The following TRIM36 variants were observed in gnomAD, a reference collection of about 807,000 sequenced individuals.
The protein encoded by TRIM36 is tripartite motif containing 36, also known as E3 ubiquitin-protein ligase TRIM36.
TRIM36 carries 42 observed loss-of-function variants against 72.4 expected under a neutral mutation model. That is an observed-to-expected ratio of 0.58 (90% CI 0.45 to 0.75). TRIM36 has a LOEUF of 0.75. Ranked by LOEUF, TRIM36 falls within the 30% of genes least tolerant of loss-of-function variation. The pLI, the probability that TRIM36 is intolerant of heterozygous loss-of-function variation, is 0.00. For missense variants in TRIM36, 913 were observed against 857.1 expected (o/e 1.07, Z -0.81); for synonymous variants, 315 against 282.8 (o/e 1.11, Z -1.14).
intron 1 of TRIM36, among the ~76,000 whole-genome samples, chr5:115,166,891 G>A (rs970292855): frequency 3.9e-5 from 6 of 152,060 alleles, no homozygotes; most frequent in African/African-American, 7.2e-5. Context: ...AGGAGCCGGC[G>A]CCCATACTGG....
intron 7 of TRIM36, among the ~76,000 whole-genome samples, chr5:115,134,524 AAG>A (rs1752861929): frequency 6.8e-6 from 1 of 146,772 alleles, no homozygotes; most frequent in Admixed American, 7.0e-5. Flanking sequence ...TAAGTCTGGT[AAG>A]AATATCAAAC....
In TRIM36 at chr5:115,133,906, A is replaced by G. The variant is rs752698627; in HGVS notation, c.1452T>C (p.Cys484=). 1 of 1,612,176 alleles carries G rather than the reference A, an allele frequency of 6.2e-7. No individual in the cohort carries two copies. Residue 484 remains cysteine (C), a synonymous_variant, in exon 8 of 10, where the codon TGT becomes TGC. Coordinates refer to ENST00000513154, the MANE Select transcript of TRIM36 (RefSeq NM_001300759.2). ...FRVRAYKGSI[C]SPCSRELILH... Reference sequence around the variant, plus strand: ...GAATCAATTCTCTGCTGCAAGGACTACAGATTGAACCCTTGTAAGCTCTTA... The same window carrying G: ...GAATCAATTCTCTGCTGCAAGGACTGCAGATTGAACCCTTGTAAGCTCTTA...
rs975605748 is a variant in TRIM36, at chr5:115,133,710, C to T, written c.1498+150G>A. On this transcript the variant is annotated intron_variant, in intron 8 of 9. Transcript: ENST00000513154. ...TCAAGTACTCAGTTCATTTCTAAAG[C>T]CCAGCTGGGATAGAAGCTACTTTTC... is the stretch of plus-strand genomic sequence containing the variant. 4.9e-5 allele frequency: 35 copies of T among 711,310 alleles called. No individual in the cohort carries two copies. In the African/African-American group the frequency reaches 6.1e-4, roughly 12 times the overall value. 44.1% of individuals were successfully genotyped at this position (711,310 alleles called of 1,614,324 possible).
At position 115,139,246 on chromosome 5, in the gene TRIM36, G is replaced by A. The variant is rs533159622; in HGVS notation, c.832-1630C>T. 5.3e-5 allele frequency among the ~76,000 whole-genome samples: 8 copies of A among 151,670 alleles called. No individual in the cohort carries two copies. The East Asian group carries it at 9.7e-4, about 18-fold the overall frequency. ...AGCAATTCTCCTGCCTCAGCCTCCC[G>A]AGTAGCTGGGATTACAGGTGTGCAC... On this transcript the variant is annotated intron_variant, in intron 5 of 9. Coordinates refer to ENST00000513154, the MANE Select transcript of TRIM36 (RefSeq NM_001300759.2).
At chr5:115,142,129 T>A (rs116831181) in intron 4 of TRIM36, among the ~76,000 whole-genome samples, 1 of 151,892 alleles carries the variant, frequency 6.6e-6, no homozygotes, top group Admixed American at 6.6e-5. Flanking sequence ...AATAAGAACA[T>A]CCAGAAAACA....
intron 2 of TRIM36, among the ~76,000 whole-genome samples, chr5:115,161,234 T>C (rs1021257696): frequency 6.6e-6 from 1 of 152,202 alleles, no homozygotes; most frequent in African/African-American, 2.4e-5. Context: ...ATCTCGCTCA[T>C]TGTTCTTAAC....
intron 2 of TRIM36, among the ~76,000 whole-genome samples, chr5:115,160,372 AAAC>A (rs1158293887): frequency 6.6e-5 from 10 of 152,226 alleles, no homozygotes; most frequent in Non-Finnish European, 1.0e-4. Context: ...TTCAAAATAT[AAAC>A]AATATAACAA....
At chr5:115,173,699 T>TA (rs930495999), upstream of TRIM36, among the ~76,000 whole-genome samples, 20 of 152,150 alleles carry the variant, frequency 1.3e-4, no homozygotes, top group African/African-American at 4.8e-4. Context: ...ATCTGAACTT[T>TA]AAAAAAATCA....
upstream of TRIM36, among the ~76,000 whole-genome samples, chr5:115,170,598 C>T (rs536472469): frequency 2.0e-5 from 3 of 152,352 alleles, no homozygotes; most frequent in East Asian, 3.9e-4. Flanking sequence ...ACTTAATAGT[C>T]CCTGACTGGG....
In TRIM36 at chr5:115,178,889, T is replaced by C. The variant is rs1755470139; in HGVS notation, c.63+1086A>G. ...AACCAGCTCCCCAGCCCTGGGGCCA[T>C]AGGACTGTCGGGCATGAATCTAAAA... On this transcript the variant is annotated intron_variant, in intron 1 of 9. Coordinates refer to the TRIM36 transcript ENST00000282369. Among the ~76,000 whole-genome samples, 5 of 152,150 alleles carry C rather than the reference T, an allele frequency of 3.3e-5. No individual in the cohort carries two copies. The South Asian group carries it at 8.3e-4, about 25-fold the overall frequency.
chr5:115,130,168 A>T (rs1752599546), intron 9 of TRIM36, among the ~76,000 whole-genome samples: 1 of 152,198 alleles, frequency 6.6e-6, no homozygotes, highest in African/African-American at 2.4e-5. Flanking sequence ...TTGCTGCGGA[A>T]ATATGTCTAC....
In TRIM36 at chr5:115,169,765, T is replaced by C. The variant is rs1467300753; in HGVS notation, c.-131A>G. 5.8e-6 allele frequency: 8 copies of C among 1,368,010 alleles called. No individual in the cohort carries two copies. The African/African-American group carries it at 5.9e-5, about 10-fold the overall frequency. 84.7% of individuals were successfully genotyped at this position (1,368,010 alleles called of 1,614,324 possible). Reference sequence around the variant, plus strand: ...GAAGCTGGAAGATGAGCTGGTCAGCTGTACGTGGCCAGCGGACCGACGCGG... The same window carrying C: ...GAAGCTGGAAGATGAGCTGGTCAGCCGTACGTGGCCAGCGGACCGACGCGG... On this transcript the variant is annotated 5_prime_UTR_variant, in exon 1 of 10. Coordinates refer to ENST00000513154, the MANE Select transcript of TRIM36 (RefSeq NM_001300759.2).
In TRIM36 at chr5:115,124,794, A is replaced by C. The variant is rs925935223; in HGVS notation, c.*1709T>G. 1 of 152,484 alleles carries C rather than the reference A, an allele frequency of 6.6e-6. No homozygotes were observed. Among genetic ancestry groups the C allele is most frequent in the Admixed American group, 6.5e-5 (1 of 15,270 alleles). The allele number at this position is 152,484 out of a possible 1,614,324, so 9.4% of individuals were successfully genotyped here. The stretch of plus-strand genomic sequence containing the variant: ...TAATTTTTTATTAAAAATGAAAGAA[A>C]CACAGCTAAACAATTTATTTACAAT... On this transcript the variant is annotated 3_prime_UTR_variant, in exon 10 of 10. Transcript: ENST00000513154.
In TRIM36 at chr5:115,130,732, A is replaced by T. The variant is rs141396431; in HGVS notation, c.1656T>A (p.Ile552=). Residue 552 remains isoleucine (I), a synonymous_variant, in exon 9 of 10, where the codon ATT becomes ATA. Coordinates refer to ENST00000513154, the MANE Select transcript of TRIM36 (RefSeq NM_001300759.2). ...VGYYTSLDYI[I]GDTGITKGKH... is the part of the protein sequence containing the mutation. Reference sequence around the variant, plus strand: ...TTCCTTTTGTAATGCCAGTATCTCCAATGATGTAGTCTAAGCTTGTGTAAT... The same window carrying T: ...TTCCTTTTGTAATGCCAGTATCTCCTATGATGTAGTCTAAGCTTGTGTAAT... The T allele has an allele frequency of 2.5e-4, 402 of 1,613,996 alleles. No homozygotes were observed. Among genetic ancestry groups the T allele is most frequent in the Non-Finnish European group, 3.3e-4 (385 of 1,180,028 alleles).
At chr5:115,128,894 C>T (rs551833740) in intron 9 of TRIM36, among the ~76,000 whole-genome samples, 1 of 151,104 alleles carries the variant, frequency 6.6e-6, no homozygotes, top group Middle Eastern at 3.2e-3. Flanking sequence ...CAGTAGTGTG[C>T]AGCAATGTCC....
In TRIM36 at chr5:115,126,797, T is replaced by A. The variant is rs1235815603; in HGVS notation, c.1857A>T (p.Gln619His). ...GSEDACFDSS[Q>H]PFTLVTIGMQ... ...TGCCTATAGTAACTAAGGTAAATGG[T>A]TGTGAAGAATCAAAACAGGCATCCT... The change falls in exon 10 of 10, where the codon CAA becomes CAT. Residue 619 changes from glutamine (Q) to histidine (H), a missense_variant. Coordinates refer to ENST00000513154, the MANE Select transcript of TRIM36 (RefSeq NM_001300759.2). The A allele has an allele frequency of 6.2e-7, 1 of 1,614,084 alleles. No homozygotes were observed. Among genetic ancestry groups the A allele is most frequent in the South Asian group, 1.1e-5 (1 of 91,074 alleles).
At chr5:115,145,446 T>C (rs1273056504) in intron 3 of TRIM36, among the ~76,000 whole-genome samples, 5 of 152,200 alleles carry the variant, frequency 3.3e-5, no homozygotes, top group Non-Finnish European at 1.5e-5. Context: ...GTTAATAAAA[T>C]CAAAAGTTGT....
At chr5:115,170,065 G>A (rs1278268720), upstream of TRIM36, 5 of 795,078 alleles carry the variant, frequency 6.3e-6, no homozygotes, top group Non-Finnish European at 7.7e-6. Flanking sequence ...GGCTGAGCGG[G>A]ACTCGGCTGG....
At chr5:115,168,249 G>A (rs771838810) in intron 1 of TRIM36, among the ~76,000 whole-genome samples, 48 of 152,114 alleles carry the variant, frequency 3.2e-4, no homozygotes, top group Non-Finnish European at 6.2e-4. Context: ...CAATACTACA[G>A]CCTTTCATTA....
Sources: allele counts gnomAD v4.1 joint callset (sites outside exome capture counted in the v4.1 genomes callset), GRCh38; gene constraint gnomAD v4.1.1; transcripts MANE v1.5; gene names NCBI Gene and HGNC (gene_info 2026-07-23, HGNC 2026-07-21).